ASAP1: variants seen among roughly 807,000 people sequenced by gnomAD.
The protein encoded by ASAP1 is arf-GAP with SH3 domain, ANK repeat and PH domain-containing protein 1.
ASAP1 carries 43 observed loss-of-function variants against 145.2 expected under a neutral mutation model. That is an observed-to-expected ratio of 0.30 (90% CI 0.23 to 0.38). The LOEUF (loss-of-function observed/expected upper bound fraction) is 0.38, where lower values mean the gene tolerates loss of function less well. Among genes scored for constraint, ASAP1 ranks in the 10% least tolerant of loss-of-function variants. ASAP1 has a pLI of 1.00. For missense variants in ASAP1, 1,018 were observed against 1,355.3 expected (o/e 0.75, Z 3.91); for synonymous variants, 546 against 515.5 (o/e 1.06, Z -0.80).
chr8:130,401,167 C>A (rs1828780087), intron 2 of ASAP1, among the ~76,000 whole-genome samples: 1 of 152,190 alleles, frequency 6.6e-6, no homozygotes, highest in African/African-American at 2.4e-5. Context: ...CAGGCATGAG[C>A]CACTGCACCC....
chr8:130,226,621 C>G (rs748403415), intron 4 of ASAP1, among the ~76,000 whole-genome samples: 16 of 152,186 alleles, frequency 1.1e-4, no homozygotes, highest in Non-Finnish European at 2.2e-4. Context: ...TGGCCCCAGC[C>G]TCTGGGGTGT....
chr8:130,186,103 T>C (rs571685924), intron 7 of ASAP1, among the ~76,000 whole-genome samples: 1 of 152,310 alleles, frequency 6.6e-6, no homozygotes, highest in East Asian at 1.9e-4. Context: ...GTTCATGCAC[T>C]GTTGTCTCTG....
intron 3 of ASAP1, among the ~76,000 whole-genome samples, chr8:130,276,452 A>G (rs1399974646): frequency 6.6e-6 from 1 of 152,166 alleles, no homozygotes; most frequent in Non-Finnish European, 1.5e-5. Context: ...ACTGTAGCCA[A>G]TCATGGACTA....
chr8:130,284,854 C>CACACAA (rs1484486603), intron 3 of ASAP1, among the ~76,000 whole-genome samples: 1 of 149,074 alleles, frequency 6.7e-6, no homozygotes, highest in Non-Finnish European at 1.5e-5. Flanking sequence ...CACACACACA[C>CACACAA]ACACACACAC....
chr8:130,327,424 T>C (rs1342668401), intron 3 of ASAP1, among the ~76,000 whole-genome samples: 1 of 152,168 alleles, frequency 6.6e-6, no homozygotes, highest in Non-Finnish European at 1.5e-5. Flanking sequence ...TGATAGCAGC[T>C]CTAGGAGCCT....
chr8:130,060,793 G>T lies in ASAP1; in HGVS notation c.2978C>A (p.Pro993Gln). 1 of 1,614,146 alleles carries T rather than the reference G, an allele frequency of 6.2e-7. No homozygotes were observed. The highest frequency in any genetic ancestry group is 1.1e-5 in the South Asian group (1 of 91,084). ...KPQMKDLPPK[P>Q]QLGDLLAKSQ... Reference sequence around the variant, plus strand: ...TTTTGCTAGCAGGTCTCCCAGCTGTGGTTTGGGGGGCAGGTCCTTCATCTG... The same window carrying T: ...TTTTGCTAGCAGGTCTCCCAGCTGTTGTTTGGGGGGCAGGTCCTTCATCTG... The change falls in exon 28 of 30, where the codon CCA becomes CAA. Residue 993 changes from proline (P) to glutamine (Q), a missense_variant. By Grantham distance (76) the Pro-to-Gln change is moderately conservative. This residue lies in a region of ASAP1 where 139 missense variants were observed against 131.0 expected (regional missense o/e 1.06). Coordinates refer to ENST00000518721, the MANE Select transcript of ASAP1 (RefSeq NM_018482.4).
chr8:130,255,857 G>T (rs1819480637), intron 3 of ASAP1, among the ~76,000 whole-genome samples: 1 of 152,124 alleles, frequency 6.6e-6, no homozygotes, highest in African/African-American at 2.4e-5. Context: ...AATTACATGT[G>T]AGTGCAATTT....
At chr8:130,184,994 C>G (rs756772294) in intron 7 of ASAP1, among the ~76,000 whole-genome samples, 14 of 152,186 alleles carry the variant, frequency 9.2e-5, no homozygotes, top group Non-Finnish European at 1.8e-4. Context: ...ACTTCACTGC[C>G]TCCAGAGTTC....
chr8:130,315,486 T>C (rs796970563), intron 3 of ASAP1, among the ~76,000 whole-genome samples: 6 of 152,194 alleles, frequency 3.9e-5, no homozygotes, highest in African/African-American at 1.2e-4. Context: ...TTGCAACAAA[T>C]AGGAAGAAAA....
Position 130,118,678 on chromosome 8 carries a change from A to G in ASAP1, c.1608-3T>C, listed in dbSNP as rs1482469610. Reference sequence around the variant, plus strand: ...TGATATATTCTTTTCGTACAGTCCTAAAACAGAACAAAATAAAGAATTTTT... The same window carrying G: ...TGATATATTCTTTTCGTACAGTCCTGAAACAGAACAAAATAAAGAATTTTT... On this transcript the variant is annotated splice_region_variant and splice_polypyrimidine_tract_variant and intron_variant, in intron 18 of 29. Transcript: ENST00000518721. 2 of 1,462,338 alleles carry G rather than the reference A, an allele frequency of 1.4e-6. No individual in the cohort carries two copies. The highest frequency in any genetic ancestry group is 2.3e-5 in the Admixed American group (1 of 44,234). The allele number at this position is 1,462,338 out of a possible 1,614,324, so 90.6% of individuals were successfully genotyped here.
At chr8:130,399,671 A>C (rs1420197238) in intron 2 of ASAP1, among the ~76,000 whole-genome samples, 1 of 152,154 alleles carries the variant, frequency 6.6e-6, no homozygotes, top group Non-Finnish European at 1.5e-5. Flanking sequence ...CAACCTAAAA[A>C]TTGAAGTAAT....
At chr8:130,357,457 G>C (rs1426843715) in intron 3 of ASAP1, among the ~76,000 whole-genome samples, 1 of 152,240 alleles carries the variant, frequency 6.6e-6, no homozygotes, top group African/African-American at 2.4e-5. Context: ...TGGGCTTCAG[G>C]CACCAGAGAC....
chr8:130,187,214 C>T, intron 7 of ASAP1, 22 bp downstream of exon 7: 1 of 1,583,694 alleles, frequency 6.3e-7, no homozygotes, highest in Non-Finnish European at 8.6e-7. Context: ...CAAACAAAAA[C>T]TCTAAACAAA....
intron 18 of ASAP1, 185 bp from the exon 19 acceptor site, chr8:130,118,860 T>TATTA (rs2097560775): frequency 2.6e-6 from 1 of 379,470 alleles, no homozygotes. Context: ...TAATATATGT[T>TATTA]TACTAATATA....
intron 12 of ASAP1, among the ~76,000 whole-genome samples, chr8:130,153,158 T>A (rs1341453610): frequency 1.3e-5 from 2 of 151,252 alleles, no homozygotes; most frequent in African/African-American, 4.9e-5. Flanking sequence ...CAGCTGGGAT[T>A]ACAGGCTCCT....
chr8:130,189,962 T>C (rs952601980), intron 5 of ASAP1, among the ~76,000 whole-genome samples: 1 of 152,222 alleles, frequency 6.6e-6, no homozygotes, highest in African/African-American at 2.4e-5. Flanking sequence ...TTTTGAGAAA[T>C]ATATATTCAG....
chr8:130,217,338 C>G (rs753428370), intron 4 of ASAP1, among the ~76,000 whole-genome samples: 14 of 151,718 alleles, frequency 9.2e-5, no homozygotes, highest in Non-Finnish European at 1.8e-4. Flanking sequence ...TTTTTAAAGG[C>G]TTTACAATAA....
intron 2 of ASAP1, among the ~76,000 whole-genome samples, chr8:130,363,172 A>C (rs991414094): frequency 9.9e-5 from 15 of 152,226 alleles, no homozygotes; most frequent in African/African-American, 3.4e-4. Context: ...AGACATCCTA[A>C]GTAGACAATT....
At chr8:130,263,531 T>C (rs1487870521) in intron 3 of ASAP1, among the ~76,000 whole-genome samples, 4 of 152,228 alleles carry the variant, frequency 2.6e-5, no homozygotes, top group Admixed American at 6.5e-5. Flanking sequence ...AGGAGGTGGC[T>C]GGAATTAATC....
Sources: allele counts gnomAD v4.1 joint callset (sites outside exome capture counted in the v4.1 genomes callset), GRCh38; gene constraint gnomAD v4.1.1; regional missense constraint gnomAD v4.1.1; transcripts MANE v1.5; gene names NCBI Gene and HGNC (gene_info 2026-07-23, HGNC 2026-07-21).